ATF6: variants seen among roughly 807,000 people sequenced by gnomAD.
The protein encoded by ATF6 is activating transcription factor 6, also known as cyclic AMP-dependent transcription factor ATF-6 alpha.
A neutral mutation model predicts 83.6 loss-of-function variants in ATF6; 53 were observed. The ratio of observed to expected loss-of-function variants is 0.63; its 90% CI spans 0.51 to 0.80. The LOEUF (loss-of-function observed/expected upper bound fraction) is 0.80. ATF6 is among the 30% of genes least tolerant of loss of function. The probability of loss-of-function intolerance (pLI) is 0.00; values close to 1 mark genes in which losing one functional copy is unlikely to be tolerated. For synonymous variants in ATF6, 288 were observed against 285.8 expected, an observed-to-expected ratio of 1.01 and a Z score of -0.08; for missense variants, 744 against 797.9, an observed-to-expected ratio of 0.93 and a Z score of 0.81.
chr1:161,833,584 A>G (rs1249205879), intron 9 of ATF6, among the ~76,000 whole-genome samples: 1 of 152,234 alleles, frequency 6.6e-6, no homozygotes. Flanking sequence ...GCTGAAAACC[A>G]TGGCACGAGA....
intron 7 of ATF6, among the ~76,000 whole-genome samples, chr1:161,810,897 AT>A (rs1361605877): frequency 6.6e-6 from 1 of 151,062 alleles, no homozygotes; most frequent in African/African-American, 2.4e-5. Context: ...CACTTACCAT[AT>A]TTTTTTCAAG....
At chr1:161,797,167 C>G (rs762131816) in intron 6 of ATF6, among the ~76,000 whole-genome samples, 17 of 152,038 alleles carry the variant, frequency 1.1e-4, no homozygotes, top group Non-Finnish European at 1.9e-4. Context: ...AAGGAACATA[C>G]CTCAAAATAA....
chr1:161,931,419 G>A (rs149204267), intron 15 of ATF6, among the ~76,000 whole-genome samples: 34 of 152,152 alleles, frequency 2.2e-4, no homozygotes, highest in African/African-American at 7.2e-4. Context: ...TTTTTCAGAC[G>A]AAATAATATA....
At chr1:161,777,441 C>T (rs1268405523) in intron 1 of ATF6, among the ~76,000 whole-genome samples, 1 of 152,118 alleles carries the variant, frequency 6.6e-6, no homozygotes, top group Admixed American at 6.6e-5. Flanking sequence ...TACACTTGTG[C>T]ACTGAGGAAA....
At chr1:161,811,047 T>A (rs1685442599) in intron 7 of ATF6, among the ~76,000 whole-genome samples, 1 of 152,254 alleles carries the variant, frequency 6.6e-6, no homozygotes, top group Non-Finnish European at 1.5e-5. Context: ...TTTTGTCTGT[T>A]ATGAGTAATG....
At position 161,963,607 on chromosome 1, in the gene ATF6, A is replaced by G. The variant is rs1689147830; in HGVS notation, c.*4953A>G. The stretch of plus-strand genomic sequence containing the variant: ...TCCCCTTTATGTTAATCCCAGCTAG[A>G]GATTAGTAGGTTGACTTTCACAGCA... On this transcript the variant is annotated 3_prime_UTR_variant, in exon 16 of 16. Transcript: ENST00000367942. 1 of 152,208 alleles carries G rather than the reference A, an allele frequency of 6.6e-6. No homozygotes were observed. The highest frequency in any genetic ancestry group is 1.5e-5 in the Non-Finnish European group (1 of 68,042). 9.4% of individuals were successfully genotyped at this position (152,208 alleles called of 1,614,324 possible).
intron 14 of ATF6, among the ~76,000 whole-genome samples, chr1:161,869,375 T>C (rs934441815): frequency 9.9e-5 from 15 of 151,928 alleles, no homozygotes; most frequent in African/African-American, 3.4e-4. Flanking sequence ...TTCTTTAGTA[T>C]CAAAGGAAAT....
At chr1:161,783,886 C>T in intron 3 of ATF6, 104 bp from the exon 4 acceptor site, 8 of 781,586 alleles carry the variant, frequency 1.0e-5, no homozygotes, top group South Asian at 1.7e-5. Context: ...CCTTAGCTTC[C>T]ATATCTGATT....
intron 9 of ATF6, among the ~76,000 whole-genome samples, chr1:161,837,073 A>G (rs1448380355): frequency 1.3e-5 from 2 of 152,200 alleles, no homozygotes; most frequent in Non-Finnish European, 2.9e-5. Context: ...AGTACTTAAT[A>G]TAGCTGGGTG....
intron 4 of ATF6, among the ~76,000 whole-genome samples, chr1:161,790,342 A>AT (rs1684847974): frequency 2.0e-5 from 3 of 152,126 alleles, no homozygotes; most frequent in African/African-American, 7.2e-5. Context: ...GATTATGTCT[A>AT]TTGCGTGATC....
intron 15 of ATF6, among the ~76,000 whole-genome samples, chr1:161,955,812 C>T (rs990045057): frequency 1.3e-5 from 2 of 152,116 alleles, no homozygotes; most frequent in African/African-American, 4.8e-5. Flanking sequence ...CTGGTAGAGT[C>T]GTCTTCTAGC....
At chr1:161,885,122 C>G (rs1687394723) in intron 14 of ATF6, among the ~76,000 whole-genome samples, 1 of 152,174 alleles carries the variant, frequency 6.6e-6, no homozygotes, top group Admixed American at 6.5e-5. Context: ...CCTGTTGATA[C>G]AGCACTGAGC....
intron 14 of ATF6, among the ~76,000 whole-genome samples, chr1:161,889,673 A>T (rs1230036617): frequency 6.6e-6 from 1 of 152,264 alleles, no homozygotes; most frequent in Non-Finnish European, 1.5e-5. Flanking sequence ...GTCTGAGGTG[A>T]CAGTTACATA....
At chr1:161,862,146 C>G (rs982823304) in intron 13 of ATF6, among the ~76,000 whole-genome samples, 2 of 152,164 alleles carry the variant, frequency 1.3e-5, no homozygotes, top group Non-Finnish European at 2.9e-5. Context: ...TTCACTAATT[C>G]ATTGCTGGCA....
chr1:161,928,836 A>T (rs996521846), intron 15 of ATF6, among the ~76,000 whole-genome samples: 2 of 152,180 alleles, frequency 1.3e-5, no homozygotes, highest in Non-Finnish European at 2.9e-5. Context: ...TCAAACTAAG[A>T]TAGCTACTAA....
chr1:161,961,396 C>T lies in ATF6; in HGVS notation c.*2742C>T, dbSNP rs151186713. 1 of 152,290 alleles carries T rather than the reference C, an allele frequency of 6.6e-6. No homozygotes were observed. Among genetic ancestry groups the T allele is most frequent in the Non-Finnish European group, 1.5e-5 (1 of 68,026 alleles). 9.4% of individuals were successfully genotyped at this position (152,290 alleles called of 1,614,324 possible). A position where few individuals can be genotyped will look rare whatever the true frequency, so the allele number is the denominator to read the frequency against. ...CTTTGAAATGAGGGGACAGGATTCT[C>T]CTAAGGGTAGAGTTTCAGGAAATGA... On this transcript the variant is annotated 3_prime_UTR_variant, in exon 16 of 16. Coordinates refer to ENST00000367942, the MANE Select transcript of ATF6 (RefSeq NM_007348.4).
chr1:161,851,418 T>C (rs1036672719), intron 10 of ATF6, among the ~76,000 whole-genome samples: 3 of 152,320 alleles, frequency 2.0e-5, no homozygotes, highest in East Asian at 3.9e-4. Context: ...ACCAGCAGCA[T>C]TGTGCATGTC....
chr1:161,930,026 G>T (rs1019103600), intron 15 of ATF6, among the ~76,000 whole-genome samples: 3 of 152,162 alleles, frequency 2.0e-5, no homozygotes, highest in Non-Finnish European at 4.4e-5. Context: ...AGTTCAGTTA[G>T]TATCCTCATC....
intron 15 of ATF6, 44 bp from the exon 16 acceptor site, chr1:161,958,402 C>T: frequency 6.5e-7 from 1 of 1,531,520 alleles, no homozygotes; most frequent in East Asian, 2.3e-5. Context: ...CAGAGATGCA[C>T]ATTCTGTTGA....
Sources: allele counts gnomAD v4.1 joint callset (sites outside exome capture counted in the v4.1 genomes callset), GRCh38; gene constraint gnomAD v4.1.1; transcripts MANE v1.5; gene names NCBI Gene and HGNC (gene_info 2026-07-23, HGNC 2026-07-21).